TTC29: variants seen among roughly 807,000 people sequenced by gnomAD.
TTC29 encodes the protein tetratricopeptide repeat protein 29.
A neutral mutation model predicts 58.1 loss-of-function variants in TTC29; 49 were observed. That is an observed-to-expected ratio of 0.84 (90% CI 0.67 to 1.07). TTC29 has a LOEUF of 1.07. TTC29 is among the 50% of genes least tolerant of loss of function. The pLI, the probability that TTC29 is intolerant of heterozygous loss-of-function variation, is 0.00. For synonymous variants in TTC29, 209 were observed against 196.8 expected (o/e 1.06, Z -0.52); for missense variants, 582 against 555.6 (o/e 1.05, Z -0.48).
intron 11 of TTC29, among the ~76,000 whole-genome samples, chr4:146,800,230 A>T (rs1750117773): frequency 6.6e-6 from 1 of 151,646 alleles, no homozygotes; most frequent in South Asian, 2.1e-4. Context: ...AAGATGAGAG[A>T]TGATTGCTGG....
At chr4:146,847,975 C>T in intron 8 of TTC29, among the ~76,000 whole-genome samples, 1 of 152,214 alleles carries the variant, frequency 6.6e-6, no homozygotes, top group East Asian at 1.9e-4. Context: ...ACAGTGTGGA[C>T]TGTGGATACC....
At chr4:146,851,425 G>A (rs1729509121) in intron 8 of TTC29, among the ~76,000 whole-genome samples, 2 of 152,102 alleles carry the variant, frequency 1.3e-5, no homozygotes, top group African/African-American at 2.4e-5. Context: ...TGGTTGAGAT[G>A]GCAACAGAGA....
rs777502740 is a variant in TTC29, at chr4:146,918,839, G to A, written c.177-9590C>T. 3.3e-5 allele frequency among the ~76,000 whole-genome samples: 5 copies of A among 150,952 alleles called. No individual in the cohort carries two copies. The South Asian group carries it at 6.2e-4, about 19-fold the overall frequency. ...AAAATAGTTACCCACGGTAGCTGTC[G>A]CACAGCACTTCAGCATCATTCATTT... On this transcript the variant is annotated intron_variant, in intron 4 of 12. Transcript: ENST00000325106.
At chr4:146,713,110 T>TTGTGTG (rs1742633416) in intron 11 of TTC29, among the ~76,000 whole-genome samples, 1 of 24,574 alleles carries the variant, frequency 4.1e-5, no homozygotes, top group Non-Finnish European at 8.2e-5. Context: ...GGAGAATTGA[T>TTGTGTG]CGTGTGTGTG....
intron 8 of TTC29, among the ~76,000 whole-genome samples, chr4:146,835,265 T>G (rs979968533): frequency 1.3e-5 from 2 of 152,162 alleles, no homozygotes; most frequent in African/African-American, 4.8e-5. Flanking sequence ...TAATAACCCT[T>G]GTGTAAACCT....
intron 4 of TTC29, among the ~76,000 whole-genome samples, chr4:146,912,392 C>A (rs1384706865): frequency 6.6e-6 from 1 of 152,060 alleles, no homozygotes; most frequent in Non-Finnish European, 1.5e-5. Context: ...AAAAAAATTT[C>A]TTGTTTTTGA....
intron 8 of TTC29, among the ~76,000 whole-genome samples, chr4:146,864,560 A>G (rs1272101251): frequency 3.3e-5 from 5 of 152,346 alleles, no homozygotes; most frequent in Admixed American, 2.6e-4. Flanking sequence ...AATAATAGAA[A>G]TATATTCTCT....
chr4:146,920,211 T>A (rs570848188), intron 4 of TTC29, among the ~76,000 whole-genome samples: 2 of 151,222 alleles, frequency 1.3e-5, no homozygotes, highest in African/African-American at 4.8e-5. Context: ...TGATTAGAAC[T>A]TTTTTAACCT....
At chr4:146,769,794 A>G (rs563782742) in intron 11 of TTC29, among the ~76,000 whole-genome samples, 1 of 152,154 alleles carries the variant, frequency 6.6e-6, no homozygotes, top group African/African-American at 2.4e-5. Flanking sequence ...GAACAGCTTC[A>G]GTTGCTTTCA....
At chr4:146,843,838 T>C (rs917804001) in intron 8 of TTC29, among the ~76,000 whole-genome samples, 1 of 152,204 alleles carries the variant, frequency 6.6e-6, no homozygotes, top group African/African-American at 2.4e-5. Flanking sequence ...GGATGAATCA[T>C]TGTATTTGAT....
intron 5 of TTC29, among the ~76,000 whole-genome samples, chr4:146,907,836 CAA>C (rs1404818504): frequency 6.6e-6 from 1 of 152,032 alleles, no homozygotes; most frequent in Admixed American, 6.6e-5. Context: ...TTTTTATTTA[CAA>C]TAGTTAATTT....
At chr4:146,720,501 T>C (rs753285541) in intron 11 of TTC29, among the ~76,000 whole-genome samples, 2 of 152,122 alleles carry the variant, frequency 1.3e-5, no homozygotes, top group African/African-American at 2.4e-5. Context: ...AAAATTACAC[T>C]TAACAAATGT....
intron 11 of TTC29, among the ~76,000 whole-genome samples, chr4:146,768,141 G>GAGAAAGTAA (rs1747465027): frequency 6.6e-6 from 1 of 152,022 alleles, no homozygotes; most frequent in Non-Finnish European, 1.5e-5. Context: ...GAGGAAAGAA[G>GAGAAAGTAA]AGAAAGTAAA....
chr4:146,749,456 T>C (rs1165667087), intron 11 of TTC29, among the ~76,000 whole-genome samples: 1 of 152,078 alleles, frequency 6.6e-6, no homozygotes, highest in East Asian at 1.9e-4. Context: ...ATAGGTCTTC[T>C]GAAATGACCT....
At chr4:146,825,036 T>A (rs1727678889) in intron 9 of TTC29, among the ~76,000 whole-genome samples, 1 of 152,142 alleles carries the variant, frequency 6.6e-6, no homozygotes, top group South Asian at 2.1e-4. Context: ...ATTTTATTAA[T>A]TTTTTCATAA....
At chr4:146,794,745 A>G (rs1277724558) in intron 11 of TTC29, among the ~76,000 whole-genome samples, 2 of 152,116 alleles carry the variant, frequency 1.3e-5, no homozygotes, top group African/African-American at 2.4e-5. Flanking sequence ...GTAATAATGC[A>G]AAATATACTT....
intron 11 of TTC29, among the ~76,000 whole-genome samples, chr4:146,712,314 C>A (rs1273479405): frequency 6.6e-6 from 1 of 152,096 alleles, no homozygotes; most frequent in African/African-American, 2.4e-5. Flanking sequence ...TCATTAAAAT[C>A]ACATTACGAA....
chr4:146,761,732 G>A (rs1443531319), intron 11 of TTC29, among the ~76,000 whole-genome samples: 1 of 132,020 alleles, frequency 7.6e-6, no homozygotes, highest in Non-Finnish European at 1.6e-5. Context: ...TTTTTAGTAT[G>A]GTGTAGTATA....
At chr4:146,754,066 AT>A (rs1166240128) in intron 11 of TTC29, among the ~76,000 whole-genome samples, 21 of 152,052 alleles carry the variant, frequency 1.4e-4, no homozygotes, top group South Asian at 8.3e-4. Context: ...ATACAAAAAA[AT>A]AAAATAAAAT....
Sources: allele counts gnomAD v4.1 joint callset (sites outside exome capture counted in the v4.1 genomes callset), GRCh38; gene constraint gnomAD v4.1.1; transcripts MANE v1.5; gene names NCBI Gene and HGNC (gene_info 2026-07-23, HGNC 2026-07-21).